The following EYS variants were observed in gnomAD, a reference collection of about 807,000 sequenced individuals.
EYS encodes protein eyes shut homolog.
EYS carries 250 observed loss-of-function variants against 282.1 expected under a neutral mutation model. The observed-to-expected ratio is 0.89, with a 90% CI of 0.80 to 0.98. EYS has a LOEUF of 0.98. Ranked by LOEUF, EYS falls within the 50% of genes least tolerant of loss-of-function variation. The probability of loss-of-function intolerance (pLI) is 0.00; values close to 1 mark genes in which losing one functional copy is unlikely to be tolerated. For synonymous variants in EYS, 1,355 were observed against 1,282.9 expected, an observed-to-expected ratio of 1.06 and a Z score of -1.20; for missense variants, 4,016 against 3,709.0, an observed-to-expected ratio of 1.08 and a Z score of -2.15.
intron 1 of EYS, among the ~76,000 whole-genome samples, chr6:65,672,044 G>A (rs1768407388): frequency 6.6e-6 from 1 of 152,084 alleles, no homozygotes; most frequent in African/African-American, 2.4e-5. Flanking sequence ...CATACTGACA[G>A]GAATTTGAAT....
chr6:64,780,108 A>G (rs78670548), intron 22 of EYS, among the ~76,000 whole-genome samples: 5,796 of 152,288 alleles, frequency 0.038, 332 homozygotes, highest in African/African-American at 0.13. Flanking sequence ...CCATGTGAAC[A>G]TGAGCTAAAT....
At chr6:64,763,902 A>C (rs1469510759) in intron 22 of EYS, among the ~76,000 whole-genome samples, 1 of 152,146 alleles carries the variant, frequency 6.6e-6, no homozygotes, top group African/African-American at 2.4e-5. Flanking sequence ...AAAGGACCAA[A>C]ATAATGCCCT....
intron 14 of EYS, among the ~76,000 whole-genome samples, chr6:64,947,858 G>A (rs907768998): frequency 2.6e-5 from 4 of 151,566 alleles, no homozygotes; most frequent in South Asian, 2.1e-4. Flanking sequence ...ATGCCCATTC[G>A]TTATGTTCTG....
chr6:64,210,655 A>G (rs1398842155), intron 31 of EYS, among the ~76,000 whole-genome samples: 2 of 152,222 alleles, frequency 1.3e-5, no homozygotes, highest in African/African-American at 4.8e-5. Context: ...AATGGCAATG[A>G]TTAAATTCAA....
chr6:65,509,323 T>C (rs1171901924), intron 2 of EYS, among the ~76,000 whole-genome samples: 2 of 152,198 alleles, frequency 1.3e-5, no homozygotes. Flanking sequence ...TTTTTCATCA[T>C]AAATGGTTTA....
chr6:64,142,270 A>G (rs75115716), intron 31 of EYS, among the ~76,000 whole-genome samples: 9,895 of 152,040 alleles, frequency 0.065, 962 homozygotes, highest in African/African-American at 0.22. Flanking sequence ...ATAGTCTGGT[A>G]TATATGGAAA....
intron 28 of EYS, among the ~76,000 whole-genome samples, chr6:64,391,681 G>A (rs1053868372): frequency 6.6e-6 from 1 of 152,098 alleles, no homozygotes; most frequent in Non-Finnish European, 1.5e-5. Context: ...ATGCCAAAAT[G>A]TAAAGACCAT....
intron 37 of EYS, among the ~76,000 whole-genome samples, chr6:63,791,266 A>G (rs1408114398): frequency 6.6e-6 from 1 of 152,166 alleles, no homozygotes; most frequent in Non-Finnish European, 1.5e-5. Context: ...AGAACAGGGT[A>G]TGTTTAAGAA....
chr6:63,779,999 T>C (rs1277661098), intron 39 of EYS, among the ~76,000 whole-genome samples: 1 of 152,150 alleles, frequency 6.6e-6, no homozygotes, highest in Non-Finnish European at 1.5e-5. Context: ...CATGCAGTGT[T>C]TGGTTTTCTG....
chr6:64,103,222 T>G (rs1197711119), intron 31 of EYS, among the ~76,000 whole-genome samples: 3 of 152,110 alleles, frequency 2.0e-5, no homozygotes, highest in Non-Finnish European at 4.4e-5. Context: ...GTAAACTAGA[T>G]AAATAACTTA....
At chr6:64,041,746 C>G (rs1462823328) in intron 33 of EYS, among the ~76,000 whole-genome samples, 1 of 152,124 alleles carries the variant, frequency 6.6e-6, no homozygotes, top group African/African-American at 2.4e-5. Flanking sequence ...GTCTTTGCCT[C>G]TTTCATTTTC....
chr6:64,935,715 T>C (rs1193941426), intron 15 of EYS, among the ~76,000 whole-genome samples: 1 of 151,578 alleles, frequency 6.6e-6, no homozygotes, highest in Admixed American at 6.6e-5. Context: ...CTAAATGAAA[T>C]AGATAACTTT....
intron 11 of EYS, among the ~76,000 whole-genome samples, chr6:65,306,860 A>AAAAAAAAAAAAAAAAAAAAAAAAAC (rs1769024772): frequency 7.5e-6 from 1 of 133,542 alleles, no homozygotes; most frequent in Non-Finnish European, 1.6e-5. Flanking sequence ...AAAAAAAAAA[A>AAAAAAAAAAAAAAAAAAAAAAAAAC]AAGAAAGTCT....
intron 35 of EYS, among the ~76,000 whole-genome samples, chr6:63,911,545 A>G (rs1455236644): frequency 6.6e-6 from 1 of 152,198 alleles, no homozygotes; most frequent in East Asian, 1.9e-4. Context: ...TTATTTGTTT[A>G]TTTAATATTT....
At chr6:65,052,635 G>T (rs946354319) in intron 13 of EYS, among the ~76,000 whole-genome samples, 1 of 151,550 alleles carries the variant, frequency 6.6e-6, no homozygotes, top group African/African-American at 2.4e-5. Flanking sequence ...ATGAGGTTTT[G>T]TTCAGGTATA....
At chr6:65,483,462 A>G (rs188431428) in intron 5 of EYS, among the ~76,000 whole-genome samples, 3 of 152,280 alleles carry the variant, frequency 2.0e-5, no homozygotes, top group Admixed American at 6.5e-5. Flanking sequence ...GGCTAATTTT[A>G]TAATAATCAC....
At chr6:65,231,081 A>AAG (rs1428799015) in intron 12 of EYS, among the ~76,000 whole-genome samples, 509 of 33,836 alleles carry the variant, frequency 0.015, 8 homozygotes, top group Middle Eastern at 0.03. Context: ...ATATATATAT[A>AAG]TGTGTATATA....
At chr6:64,746,738 G>A (rs958764313) in intron 22 of EYS, among the ~76,000 whole-genome samples, 28 of 152,140 alleles carry the variant, frequency 1.8e-4, no homozygotes, top group Admixed American at 1.4e-3. Context: ...AGGCTGATGT[G>A]CTTTTGTGGA....
chr6:64,317,972 G>A (rs748857902), intron 29 of EYS, among the ~76,000 whole-genome samples: 2 of 152,036 alleles, frequency 1.3e-5, no homozygotes, highest in Non-Finnish European at 2.9e-5. Flanking sequence ...AGTGGGAGTT[G>A]AACAATGAGA....
Sources: allele counts gnomAD v4.1 joint callset (sites outside exome capture counted in the v4.1 genomes callset), GRCh38; gene constraint gnomAD v4.1.1; transcripts MANE v1.5; gene names NCBI Gene and HGNC (gene_info 2026-07-23, HGNC 2026-07-21).